The following CACNB4 variants were observed in gnomAD, a reference collection of about 807,000 sequenced individuals.
CACNB4 encodes voltage-dependent L-type calcium channel subunit beta-4.
In CACNB4, 32 loss-of-function variants were observed where a neutral mutation model predicts 71.2. That is an observed-to-expected ratio of 0.45 (90% CI 0.34 to 0.60). CACNB4 has a LOEUF of 0.60. CACNB4 is among the 20% of genes least tolerant of loss of function. The probability of loss-of-function intolerance (pLI) is 0.01; values close to 1 mark genes in which losing one functional copy is unlikely to be tolerated. For missense variants in CACNB4, 464 were observed against 647.9 expected, an observed-to-expected ratio of 0.72 and a Z score of 3.08; for synonymous variants, 231 against 236.9, an observed-to-expected ratio of 0.97 and a Z score of 0.23.
chr2:152,060,314 T>C (rs1685943270), intron 2 of CACNB4, among the ~76,000 whole-genome samples: 1 of 152,230 alleles, frequency 6.6e-6, no homozygotes, highest in Non-Finnish European at 1.5e-5. Context: ...ATTCATTTCA[T>C]ACCATTACAT....
chr2:152,033,183 G>C (rs992551340), intron 2 of CACNB4, among the ~76,000 whole-genome samples: 10 of 152,202 alleles, frequency 6.6e-5, no homozygotes, highest in Non-Finnish European at 1.2e-4. Context: ...GTTAAATAAT[G>C]AATGAGGAGA....
At chr2:151,937,420 C>T (rs1185812026) in intron 2 of CACNB4, among the ~76,000 whole-genome samples, 1 of 152,180 alleles carries the variant, frequency 6.6e-6, no homozygotes, top group Non-Finnish European at 1.5e-5. Flanking sequence ...TCAGAGATTA[C>T]TTCCTGGCTA....
chr2:151,930,498 T>C (rs13423176), intron 2 of CACNB4, among the ~76,000 whole-genome samples: 34,050 of 152,150 alleles, frequency 0.22, 3,958 homozygotes, highest in Middle Eastern at 0.41. Context: ...TTAATACACA[T>C]GACTGCACAA....
intron 2 of CACNB4, among the ~76,000 whole-genome samples, chr2:151,908,962 AT>A (rs896190039): frequency 1.1e-4 from 16 of 151,020 alleles, no homozygotes; most frequent in South Asian, 2.1e-4. Flanking sequence ...AAAGGATTTA[AT>A]TTTTTTTTAA....
chr2:151,882,672 C>T (rs1029093158), intron 3 of CACNB4, among the ~76,000 whole-genome samples: 6 of 152,194 alleles, frequency 3.9e-5, no homozygotes, highest in Non-Finnish European at 8.8e-5. Context: ...CAGTTGGCTC[C>T]TTGCTGCTTC....
At chr2:151,985,528 G>A (rs1681305910) in intron 2 of CACNB4, among the ~76,000 whole-genome samples, 1 of 152,104 alleles carries the variant, frequency 6.6e-6, no homozygotes, top group Non-Finnish European at 1.5e-5. Context: ...GAAAAACTCT[G>A]CCAATTTACA....
chr2:151,974,446 A>G (rs2099873404), intron 2 of CACNB4, among the ~76,000 whole-genome samples: 2 of 152,226 alleles, frequency 1.3e-5, no homozygotes, highest in South Asian at 4.1e-4. Flanking sequence ...AAAGTTTTCA[A>G]TATTCTCGTT....
At chr2:152,050,385 AG>A (rs1304948002) in intron 2 of CACNB4, among the ~76,000 whole-genome samples, 9 of 152,234 alleles carry the variant, frequency 5.9e-5, no homozygotes, top group Admixed American at 5.2e-4. Flanking sequence ...ACTCTAAATG[AG>A]CCACATCAAA....
rs553229722 is a variant in CACNB4, at chr2:151,834,975, T to G, written c.*4144A>C. On this transcript the variant is annotated 3_prime_UTR_variant, in exon 14 of 14. Transcript: ENST00000539935. ...TAAAAGGAATAAGGGGTACATAGCATTTATTTGAAACATTGATATGAAGTT... is the reference window on the plus strand; with the variant it reads ...TAAAAGGAATAAGGGGTACATAGCAGTTATTTGAAACATTGATATGAAGTT... 6.6e-5 allele frequency: 10 copies of G among 152,060 alleles called. No individual in the cohort carries two copies. The highest frequency in any genetic ancestry group is 2.2e-4 in the African/African-American group (9 of 41,560). 9.4% of individuals were successfully genotyped at this position (152,060 alleles called of 1,614,324 possible).
At chr2:151,904,024 T>C (rs568120957) in intron 2 of CACNB4, among the ~76,000 whole-genome samples, 3 of 152,330 alleles carry the variant, frequency 2.0e-5, no homozygotes, top group African/African-American at 7.2e-5. Flanking sequence ...GGGACTCATA[T>C]TTCTTTGCAT....
intron 9 of CACNB4, chr2:151,867,185 A>C (rs2099843384): frequency 1.3e-5 from 2 of 152,198 alleles, no homozygotes; most frequent in Admixed American, 1.3e-4. Context: ...GAACTGCCTT[A>C]GGTAACAGCT....
rs183080046 is a variant in CACNB4 at position 152,045,777 on chromosome 2, G to A, written c.147+52553C>T. On this transcript the variant is annotated intron_variant, in intron 2 of 13. Transcript: ENST00000539935. ...GAGTTCAGACGGTACCTTAGGCATAGCTGTGCATCCCGCAGCTCTAAATAC... is the reference window on the plus strand; with the variant it reads ...GAGTTCAGACGGTACCTTAGGCATAACTGTGCATCCCGCAGCTCTAAATAC... 3.5e-3 allele frequency among the ~76,000 whole-genome samples: 538 copies of A among 152,198 alleles called. 5 individuals are homozygous for A. Among genetic ancestry groups the A allele is most frequent in the African/African-American group, 0.012 (518 of 41,528 alleles).
intron 12 of CACNB4, among the ~76,000 whole-genome samples, chr2:151,849,874 T>C (rs1398685991): frequency 6.6e-6 from 1 of 152,184 alleles, no homozygotes; most frequent in Non-Finnish European, 1.5e-5. Context: ...AAGTTCAGTT[T>C]GCCAGCTAAA....
chr2:151,870,495 G>T, intron 8 of CACNB4, 36 bp downstream of exon 8: 1 of 1,549,618 alleles, frequency 6.5e-7, no homozygotes, highest in Non-Finnish European at 8.9e-7. Flanking sequence ...CTGGGTGCTC[G>T]ATCAAGAACT....
At chr2:152,035,514 C>T (rs562022399) in intron 2 of CACNB4, among the ~76,000 whole-genome samples, 16 of 152,050 alleles carry the variant, frequency 1.1e-4, no homozygotes, top group African/African-American at 3.9e-4. Context: ...GAGCTGAGAT[C>T]GTGCCATTGC....
intron 7 of CACNB4, 112 bp downstream of exon 7, chr2:151,870,730 C>T: frequency 3.3e-6 from 4 of 1,209,058 alleles, no homozygotes; most frequent in Non-Finnish European, 4.8e-6. Context: ...AAAGTCCCCA[C>T]CGAGGAGGCT....
intron 5 of CACNB4, among the ~76,000 whole-genome samples, chr2:151,875,696 A>C (rs1330553445): frequency 1.2e-3 from 2 of 1,706 alleles, no homozygotes; most frequent in East Asian, 0.014. Flanking sequence ...TCCCTCCCGG[A>C]CGGGCGGCTG....
At chr2:151,860,588 T>C (rs1038734575) in intron 10 of CACNB4, 123 bp downstream of exon 10, 7 of 715,050 alleles carry the variant, frequency 9.8e-6, no homozygotes, top group African/African-American at 8.9e-5. Flanking sequence ...GCATTCTTTT[T>C]AGGTACTCAG....
rs1436243991 is a variant in CACNB4 at position 151,835,884 on chromosome 2, CA to C, written c.*3234del. The C allele has an allele frequency of 6.6e-6, 1 of 151,744 alleles. No homozygotes were observed. Among genetic ancestry groups the C allele is most frequent in the Non-Finnish European group, 1.5e-5 (1 of 67,710 alleles). The allele number at this position is 151,744 out of a possible 1,614,324, so 9.4% of individuals were successfully genotyped here. On this transcript the variant is annotated 3_prime_UTR_variant, in exon 14 of 14. Transcript: ENST00000539935. Reference sequence around the variant, plus strand: ...AATAATTGTCTCAGAATTTGTTTTACATTAATAAAATTCATTTCATTAAAGA... The same window carrying C: ...AATAATTGTCTCAGAATTTGTTTTACTTAATAAAATTCATTTCATTAAAGA...
Sources: gnomAD v4.1 joint callset for allele counts (sites outside exome capture counted in the v4.1 genomes callset) on GRCh38, gnomAD v4.1.1 for gene constraint, MANE v1.5 for transcripts, NCBI Gene and HGNC (gene_info 2026-07-23, HGNC 2026-07-21) for gene names.